RB1: variants seen among roughly 807,000 people sequenced by gnomAD.
RB1 encodes the protein RB transcriptional corepressor 1.
RB1 carries 18 observed loss-of-function variants against 135.4 expected under a neutral mutation model. The observed-to-expected ratio is 0.13, with a 90% CI of 0.09 to 0.20. RB1 has a LOEUF of 0.20. Among genes scored for constraint, RB1 ranks in the 10% least tolerant of loss-of-function variants. The pLI is 1.00. For synonymous variants in RB1, 365 were observed against 373.2 expected (o/e 0.98, Z 0.25); for missense variants, 868 against 1,110.0 (o/e 0.78, Z 3.10).
At chr13:48,369,208 TTA>T (rs1952734006) in intron 11 of RB1, among the ~76,000 whole-genome samples, 1 of 152,174 alleles carries the variant, frequency 6.6e-6, no homozygotes, top group Admixed American at 6.5e-5. Context: ...GAACTATTTT[TTA>T]TGTCTTTTTC....
intron 17 of RB1, among the ~76,000 whole-genome samples, chr13:48,404,599 T>G (rs951334095): frequency 6.6e-6 from 1 of 152,046 alleles, no homozygotes. Context: ...TGATCTCCGC[T>G]CACTGCAACC....
Position 48,459,679 on chromosome 13 carries a change from T to C in RB1, c.1961-9T>C, listed in dbSNP as rs2138335750. 6.2e-7 allele frequency: 1 copy of C among 1,614,082 alleles called. No individual in the cohort carries two copies. The highest frequency in any genetic ancestry group is 8.5e-7 in the Non-Finnish European group (1 of 1,179,970). On this transcript the variant is annotated splice_polypyrimidine_tract_variant and intron_variant, in intron 19 of 26. Transcript: ENST00000267163. ...CAGTAAAAATGACTAATTTTTCTTA[T>C]TCCCACAGTGTATCGGCTAGCCTAT...
At position 48,456,223 on chromosome 13, in the gene RB1, T is replaced by A. The variant is rs1398478487; in HGVS notation, c.1834T>A (p.Ser612Thr). 1 of 1,614,048 alleles carries A rather than the reference T, an allele frequency of 6.2e-7. No individual in the cohort carries two copies. The highest frequency in any genetic ancestry group is 2.2e-5 in the East Asian group (1 of 44,850). The change falls in exon 19 of 27, where the codon TCT (serine) becomes ACT (threonine). Residue 612 changes from serine to threonine, a missense_variant. By Grantham distance (58) the Ser-to-Thr change is moderately conservative. Around this residue, in one of 3 missense-constraint regions of RB1, gnomAD observed 641 missense variants for 791.3 expected, o/e 0.81. Coordinates refer to ENST00000267163, the MANE Select transcript of RB1 (RefSeq NM_000321.3). ...ATCTAGGTATCTTTCTCCTGTAAGATCTCCAAAGAAAAAAGGTTCAACTAC... is the reference window on the plus strand; with the variant it reads ...ATCTAGGTATCTTTCTCCTGTAAGAACTCCAAAGAAAAAAGGTTCAACTAC... ...AADMYLSPVR[S>T]PKKKGSTTRV... is the part of the protein sequence containing the mutation.
chr13:48,309,644 G>T (rs1952114662), intron 2 of RB1, among the ~76,000 whole-genome samples: 1 of 152,118 alleles, frequency 6.6e-6, no homozygotes, highest in Admixed American at 6.5e-5. Context: ...TTAGTGTTCA[G>T]AAATTTTGGA....
intron 11 of RB1, among the ~76,000 whole-genome samples, chr13:48,371,247 A>G (rs1475226622): frequency 6.6e-6 from 1 of 152,216 alleles, no homozygotes; most frequent in East Asian, 1.9e-4. Flanking sequence ...GCAAGTTCAC[A>G]TGGTAATAGT....
chr13:48,335,746 C>T (rs568079786), intron 2 of RB1, among the ~76,000 whole-genome samples: 81 of 151,966 alleles, frequency 5.3e-4, no homozygotes, highest in Non-Finnish European at 9.4e-4. Flanking sequence ...ATCCTGAGTC[C>T]TTTTCATAAT....
At chr13:48,421,352 A>T (rs1013270832) in intron 17 of RB1, among the ~76,000 whole-genome samples, 1 of 152,200 alleles carries the variant, frequency 6.6e-6, no homozygotes, top group East Asian at 1.9e-4. Flanking sequence ...CTTACACCTT[A>T]TACAAAAATT....
intron 13 of RB1, among the ~76,000 whole-genome samples, chr13:48,379,196 A>C (rs979998275): frequency 2.6e-5 from 4 of 152,294 alleles, no homozygotes; most frequent in African/African-American, 9.6e-5. Context: ...CTTTAGTATG[A>C]ATGATATAAA....
chr13:48,437,590 G>A (rs1949196919), intron 17 of RB1, among the ~76,000 whole-genome samples: 1 of 152,182 alleles, frequency 6.6e-6, no homozygotes, highest in African/African-American at 2.4e-5. Context: ...GTTCACTCGT[G>A]TGGTTGTTGG....
intron 2 of RB1, chr13:48,333,190 A>G (rs1952351816): frequency 2.5e-6 from 1 of 394,938 alleles, no homozygotes; most frequent in Non-Finnish European, 4.5e-6. Flanking sequence ...TTGTACCTCC[A>G]TAAAGCTGGA....
chr13:48,324,698 C>T (rs1952270171), intron 2 of RB1, among the ~76,000 whole-genome samples: 1 of 152,064 alleles, frequency 6.6e-6, no homozygotes, highest in Non-Finnish European at 1.5e-5. Context: ...CTTTGATATA[C>T]TGTTTTTATT....
chr13:48,441,896 AT>A (rs1352559990), intron 17 of RB1, among the ~76,000 whole-genome samples: 1 of 152,174 alleles, frequency 6.6e-6, no homozygotes, highest in Non-Finnish European at 1.5e-5. Context: ...GGACCTATTT[AT>A]TCACTTGTTT....
At chr13:48,345,551 C>G (rs191854132) in intron 4 of RB1, among the ~76,000 whole-genome samples, 16 of 152,166 alleles carry the variant, frequency 1.1e-4, no homozygotes, top group East Asian at 5.8e-4. Flanking sequence ...TAGTTTGGAA[C>G]GAGAAAACAC....
At chr13:48,418,743 T>C (rs1355613875) in intron 17 of RB1, among the ~76,000 whole-genome samples, 1 of 148,642 alleles carries the variant, frequency 6.7e-6, no homozygotes, top group African/African-American at 2.5e-5. Flanking sequence ...GCAATCCTAG[T>C]CTCTGATAAA....
At chr13:48,392,202 C>G (rs942208678) in intron 17 of RB1, among the ~76,000 whole-genome samples, 1 of 152,070 alleles carries the variant, frequency 6.6e-6, no homozygotes, top group Non-Finnish European at 1.5e-5. Context: ...CCTCTGCCTC[C>G]CAGGTTCAAG....
chr13:48,445,645 C>T (rs1310496693), intron 17 of RB1, among the ~76,000 whole-genome samples: 1 of 152,158 alleles, frequency 6.6e-6, no homozygotes, highest in Non-Finnish European at 1.5e-5. Context: ...CCACCCCATC[C>T]ACCTGGATCT....
intron 10 of RB1, 126 bp from the exon 11 acceptor site, chr13:48,368,401 T>G: frequency 8.2e-7 from 1 of 1,216,738 alleles, no homozygotes; most frequent in South Asian, 1.5e-5. Flanking sequence ...TTCTATCCTA[T>G]CTATTATTGA....
At chr13:48,447,894 A>G (rs957576486) in intron 17 of RB1, among the ~76,000 whole-genome samples, 1 of 152,210 alleles carries the variant, frequency 6.6e-6, no homozygotes, top group African/African-American at 2.4e-5. Context: ...CTTGGAAGAG[A>G]AATTTACTTT....
chr13:48,392,696 T>A (rs1948620109), intron 17 of RB1, among the ~76,000 whole-genome samples: 1 of 152,176 alleles, frequency 6.6e-6, no homozygotes, highest in African/African-American at 2.4e-5. Flanking sequence ...TAAATGTCCC[T>A]GTTACTAAGT....
Sources: allele counts gnomAD v4.1 joint callset (sites outside exome capture counted in the v4.1 genomes callset), GRCh38; gene constraint gnomAD v4.1.1; regional missense constraint gnomAD v4.1.1; transcripts MANE v1.5; gene names NCBI Gene and HGNC (gene_info 2026-07-23, HGNC 2026-07-21).